The following OR9Q1 variants were observed in gnomAD, a reference collection of about 807,000 sequenced individuals.
OR9Q1 encodes olfactory receptor family 9 subfamily Q member 1.
For missense variants in OR9Q1, 374 were observed against 378.8 expected (o/e 0.99, Z 0.11); for synonymous variants, 153 against 148.6 (o/e 1.03, Z -0.22).
At chr11:58,141,646 T>C (rs1365823115) in intron 2 of OR9Q1, among the ~76,000 whole-genome samples, 1 of 152,190 alleles carries the variant, frequency 6.6e-6, no homozygotes, top group African/African-American at 2.4e-5. Context: ...GATTTTTGCA[T>C]CAATGTTCGT....
At chr11:58,150,878 G>C (rs1854344473) in intron 2 of OR9Q1, among the ~76,000 whole-genome samples, 1 of 152,118 alleles carries the variant, frequency 6.6e-6, no homozygotes, top group African/African-American at 2.4e-5. Context: ...CCAGAAGAAG[G>C]CATCATCATC....
chr11:58,089,711 G>A (rs1206719786), intron 2 of OR9Q1, among the ~76,000 whole-genome samples: 1 of 151,816 alleles, frequency 6.6e-6, no homozygotes, highest in African/African-American at 2.4e-5. Flanking sequence ...TTGCTTGATG[G>A]GGATAGCACT....
At chr11:58,054,405 G>T (rs1423966002) in intron 1 of OR9Q1, among the ~76,000 whole-genome samples, 16 of 152,094 alleles carry the variant, frequency 1.1e-4, no homozygotes, top group African/African-American at 3.9e-4. Flanking sequence ...GCCATCCCAT[G>T]CTTTGAATTA....
intron 2 of OR9Q1, chr11:58,171,410 A>G (rs1420591302): frequency 2.0e-5 from 3 of 152,226 alleles, no homozygotes; most frequent in African/African-American, 7.2e-5. Flanking sequence ...GATTCTGACC[A>G]GACTAGTTTT....
At chr11:58,153,356 T>C (rs899257548) in intron 2 of OR9Q1, among the ~76,000 whole-genome samples, 2 of 152,010 alleles carry the variant, frequency 1.3e-5, no homozygotes, top group African/African-American at 2.4e-5. Context: ...GTCTTTGGAG[T>C]TGGTGAGTTC....
intron 2 of OR9Q1, among the ~76,000 whole-genome samples, chr11:58,120,249 T>C (rs911328197): frequency 6.4e-4 from 98 of 152,230 alleles, no homozygotes; most frequent in African/African-American, 2.1e-3. Context: ...TGACCTTGGG[T>C]AAGTTAACTA....
At chr11:58,049,562 C>T (rs1853253858) in intron 1 of OR9Q1, among the ~76,000 whole-genome samples, 1 of 78,496 alleles carries the variant, frequency 1.3e-5, no homozygotes, top group African/African-American at 5.8e-5. Context: ...TCTCTCACCA[C>T]TCCTATTCAA....
intron 2 of OR9Q1, among the ~76,000 whole-genome samples, chr11:58,105,273 CAAATG>C (rs2120095434): frequency 6.6e-6 from 1 of 152,142 alleles, no homozygotes; most frequent in African/African-American, 2.4e-5. Flanking sequence ...CCATGACATG[CAAATG>C]AAATGACGAC....
chr11:58,134,681 T>C (rs1854174633), intron 2 of OR9Q1, among the ~76,000 whole-genome samples: 1 of 152,142 alleles, frequency 6.6e-6, no homozygotes, highest in African/African-American at 2.4e-5. Context: ...AACCTCAAGA[T>C]TCCAACTTTT....
chr11:58,086,436 A>C (rs1853634693), intron 2 of OR9Q1, among the ~76,000 whole-genome samples: 1 of 151,904 alleles, frequency 6.6e-6, no homozygotes, highest in Non-Finnish European at 1.5e-5. Context: ...CCATTATGGA[A>C]AACAGTATCA....
At chr11:58,086,866 A>G (rs1197971524) in intron 2 of OR9Q1, among the ~76,000 whole-genome samples, 3 of 151,770 alleles carry the variant, frequency 2.0e-5, no homozygotes, top group Non-Finnish European at 4.4e-5. Context: ...TAAATGGGGA[A>G]AAGGGAGATA....
At chr11:58,048,198 C>G (rs1261661405) in intron 1 of OR9Q1, among the ~76,000 whole-genome samples, 1 of 151,990 alleles carries the variant, frequency 6.6e-6, no homozygotes, top group South Asian at 2.1e-4. Flanking sequence ...AGGATTGGTA[C>G]CTAGGATAGA....
chr11:58,030,281 G>GTTGCTA (rs2119908801), intron 1 of OR9Q1, among the ~76,000 whole-genome samples: 1 of 152,098 alleles, frequency 6.6e-6, no homozygotes, highest in East Asian at 1.9e-4. Flanking sequence ...CCTTAATTTG[G>GTTGCTA]TTGCTAGCCC....
At chr11:58,058,201 A>C (rs577286210) in intron 2 of OR9Q1, among the ~76,000 whole-genome samples, 6 of 152,218 alleles carry the variant, frequency 3.9e-5, no homozygotes. Flanking sequence ...TCAGAGCAGG[A>C]CATCAAGTTC....
chr11:58,154,795 A>G (rs534372327), intron 2 of OR9Q1, among the ~76,000 whole-genome samples: 2 of 152,212 alleles, frequency 1.3e-5, no homozygotes, highest in Non-Finnish European at 2.9e-5. Flanking sequence ...CATAGTCAGC[A>G]GCTGAGCTAG....
At chr11:58,159,454 T>TAA (rs71061579) in intron 2 of OR9Q1, among the ~76,000 whole-genome samples, 52 of 147,352 alleles carry the variant, frequency 3.5e-4, no homozygotes, top group South Asian at 1.1e-3. Context: ...TTACAGAAGT[T>TAA]AAAAAAAAAA....
At chr11:58,124,811 T>C (rs1382458616) in intron 2 of OR9Q1, among the ~76,000 whole-genome samples, 1 of 152,246 alleles carries the variant, frequency 6.6e-6, no homozygotes, top group African/African-American at 2.4e-5. Flanking sequence ...CACGCTGTGC[T>C]GCTTTTCCTA....
Position 58,180,907 on chromosome 11 carries a change from A to G in OR9Q1, c.*530A>G, listed in dbSNP as rs1474839979. On this transcript the variant is annotated 3_prime_UTR_variant, in exon 3 of 3. Coordinates refer to ENST00000335397, the MANE Select transcript of OR9Q1 (RefSeq NM_001005212.4). ...CCGGACATCAGCATTAGTACCCTTT[A>G]CTTCTATGCACTTCAGAATTATATC... is the stretch of plus-strand genomic sequence containing the variant. 6.0e-6 allele frequency: 1 copy of G among 166,804 alleles called. No individual in the cohort carries two copies. Among genetic ancestry groups the G allele is most frequent in the Admixed American group, 6.6e-5 (1 of 15,262 alleles). 10.3% of individuals were successfully genotyped at this position (166,804 alleles called of 1,614,324 possible).
intron 2 of OR9Q1, among the ~76,000 whole-genome samples, chr11:58,111,253 G>A (rs917580976): frequency 1.3e-5 from 2 of 152,154 alleles, no homozygotes; most frequent in African/African-American, 2.4e-5. Context: ...TGGAAACTGA[G>A]AATGGAAGGG....
Sources: allele counts gnomAD v4.1 joint callset (sites outside exome capture counted in the v4.1 genomes callset), GRCh38; gene constraint gnomAD v4.1.1; transcripts MANE v1.5; gene names NCBI Gene and HGNC (gene_info 2026-07-23, HGNC 2026-07-21).